The following ACOXL variants were observed in gnomAD, a reference collection of about 807,000 sequenced individuals.
The protein encoded by ACOXL is acyl-CoA oxidase like, also known as acyl-coenzyme A oxidase-like protein.
Under a neutral mutation model 71.9 loss-of-function variants are expected in ACOXL, and 70 were observed. The ratio of observed to expected loss-of-function variants is 0.97; its 90% CI spans 0.80 to 1.19. The LOEUF (loss-of-function observed/expected upper bound fraction) is 1.19, where lower values mean the gene tolerates loss of function less well. ACOXL is among the 50% of genes most tolerant of loss of function. The pLI, the probability that ACOXL is intolerant of heterozygous loss-of-function variation, is 0.00. For synonymous variants in ACOXL, 253 were observed against 281.6 expected (o/e 0.90, Z 1.02); for missense variants, 703 against 736.3 (o/e 0.95, Z 0.52).
At chr2:111,049,798 AC>A (rs2066196622) in intron 16 of ACOXL, among the ~76,000 whole-genome samples, 1 of 121,698 alleles carries the variant, frequency 8.2e-6, no homozygotes, top group East Asian at 2.5e-4. Flanking sequence ...CTTCCCCCCA[AC>A]CCCCCGCCCC....
chr2:111,093,716 T>C, intron 17 of ACOXL: 1 of 530,138 alleles, frequency 1.9e-6, no homozygotes, highest in African/African-American at 2.0e-5. Flanking sequence ...ACAAAAAAAT[T>C]AGCTGGGCGT....
chr2:110,861,082 C>T (rs1255326781), intron 10 of ACOXL, among the ~76,000 whole-genome samples: 3 of 152,148 alleles, frequency 2.0e-5, no homozygotes, highest in African/African-American at 4.8e-5. Flanking sequence ...TGCAGTGAGT[C>T]GAGATCATGC....
At chr2:110,798,842 C>T in intron 6 of ACOXL, 118 bp downstream of exon 6, 1 of 1,171,972 alleles carries the variant, frequency 8.5e-7, no homozygotes, top group South Asian at 1.3e-5. Flanking sequence ...ACTTTATCTC[C>T]TAATATGCAT....
At chr2:110,813,857 C>G (rs924944322) in intron 9 of ACOXL, among the ~76,000 whole-genome samples, 1 of 152,206 alleles carries the variant, frequency 6.6e-6, no homozygotes, top group African/African-American at 2.4e-5. Context: ...ATCACCAGAG[C>G]AACCCTGTGA....
At chr2:110,949,359 G>A (rs920351288) in intron 12 of ACOXL, among the ~76,000 whole-genome samples, 4 of 149,956 alleles carry the variant, frequency 2.7e-5, no homozygotes, top group East Asian at 2.0e-4. Flanking sequence ...CATTTTTCCC[G>A]GGCATCAACT....
chr2:110,996,024 T>C lies in ACOXL; in HGVS notation c.1281+20T>C, dbSNP rs376993583. ...TATAAGGTAAAGATACACTGTGTTA[T>C]ATTTTTCCTTTTGACATGTGTTTAA... On this transcript the variant is annotated intron_variant, in intron 14 of 17. Coordinates refer to ENST00000439055, the MANE Select transcript of ACOXL (RefSeq NM_001142807.4). 35 of 1,586,782 alleles carry C rather than the reference T, an allele frequency of 2.2e-5. No individual in the cohort carries two copies. The highest frequency in any genetic ancestry group is 3.3e-5 in the Admixed American group (2 of 59,920).
chr2:110,885,212 T>TA (rs2149113352), intron 10 of ACOXL, among the ~76,000 whole-genome samples: 1 of 152,252 alleles, frequency 6.6e-6, no homozygotes, highest in Admixed American at 6.5e-5. Context: ...TATTGAATTA[T>TA]AAAAGAATTC....
intron 16 of ACOXL, among the ~76,000 whole-genome samples, chr2:111,068,162 A>G (rs371755320): frequency 3.9e-5 from 6 of 152,224 alleles, no homozygotes; most frequent in East Asian, 3.9e-4. Flanking sequence ...CAGGGCATCT[A>G]TGGATCAGAA....
chr2:110,784,598 T>G, intron 2 of ACOXL, 134 bp from the exon 3 acceptor site: 1 of 605,096 alleles, frequency 1.7e-6, no homozygotes, highest in Non-Finnish European at 2.7e-6. Flanking sequence ...TGGAATTGTT[T>G]CTTAATTTAA....
intron 14 of ACOXL, among the ~76,000 whole-genome samples, chr2:111,014,220 C>A (rs2064318741): frequency 6.6e-6 from 1 of 152,066 alleles, no homozygotes; most frequent in African/African-American, 2.4e-5. Flanking sequence ...ATTGGAGGGC[C>A]TAGCCAGTGC....
At chr2:110,757,801 C>T (rs762828161) in intron 1 of ACOXL, among the ~76,000 whole-genome samples, 6 of 151,414 alleles carry the variant, frequency 4.0e-5, no homozygotes, top group South Asian at 2.1e-4. Flanking sequence ...ATTAGACTTT[C>T]GTCAGATAGA....
chr2:110,774,248 C>G (rs1040714655), intron 2 of ACOXL, among the ~76,000 whole-genome samples: 1 of 152,110 alleles, frequency 6.6e-6, no homozygotes, highest in African/African-American at 2.4e-5. Context: ...CAGAAATTAC[C>G]TGTCTCGATG....
chr2:111,021,482 GA>G (rs1057074687), intron 14 of ACOXL, among the ~76,000 whole-genome samples: 2 of 152,164 alleles, frequency 1.3e-5, no homozygotes, highest in African/African-American at 4.8e-5. Context: ...AAGGTGCCAA[GA>G]ATCCCACATT....
intron 1 of ACOXL, among the ~76,000 whole-genome samples, chr2:110,740,191 G>A (rs1242287261): frequency 6.6e-6 from 1 of 152,228 alleles, no homozygotes; most frequent in Non-Finnish European, 1.5e-5. Context: ...AGGTGATGCC[G>A]ATGGGACAGA....
chr2:110,785,529 C>T (rs1175203989), intron 3 of ACOXL, among the ~76,000 whole-genome samples: 1 of 151,974 alleles, frequency 6.6e-6, no homozygotes, highest in Non-Finnish European at 1.5e-5. Flanking sequence ...TCCATTCCAC[C>T]CCTGTCCTTT....
chr2:111,100,487 A>G (rs1300268660), intron 17 of ACOXL: 3 of 152,714 alleles, frequency 2.0e-5, no homozygotes, highest in Non-Finnish European at 4.4e-5. Flanking sequence ...ACCATGTCCA[A>G]GAAATCTGGA....
chr2:111,113,952 A>G (rs2070162205), intron 17 of ACOXL, among the ~76,000 whole-genome samples: 1 of 152,272 alleles, frequency 6.6e-6, no homozygotes, highest in South Asian at 2.1e-4. Flanking sequence ...TCCCTTAGAA[A>G]GTAAGAGTTG....
intron 17 of ACOXL, among the ~76,000 whole-genome samples, chr2:111,105,434 A>G (rs1182410995): frequency 2.0e-5 from 3 of 151,916 alleles, no homozygotes; most frequent in Non-Finnish European, 4.4e-5. Flanking sequence ...ATTTCATCTT[A>G]CTGTGCTGAA....
At chr2:111,035,572 TCTC>T (rs1261668986) in intron 15 of ACOXL, among the ~76,000 whole-genome samples, 1 of 152,228 alleles carries the variant, frequency 6.6e-6, no homozygotes, top group Non-Finnish European at 1.5e-5. Flanking sequence ...TGTGAGTACT[TCTC>T]ATTATGCAGC....
Sources: gnomAD v4.1 joint callset for allele counts (sites outside exome capture counted in the v4.1 genomes callset) on GRCh38, gnomAD v4.1.1 for gene constraint, MANE v1.5 for transcripts, NCBI Gene and HGNC (gene_info 2026-07-23, HGNC 2026-07-21) for gene names.